TLK1: variants seen among roughly 807,000 people sequenced by gnomAD.
The protein encoded by TLK1 is serine/threonine-protein kinase tousled-like 1.
TLK1 carries 24 observed loss-of-function variants against 105.3 expected under a neutral mutation model. The observed-to-expected ratio is 0.23, with a 90% CI of 0.17 to 0.32. The LOEUF is 0.32. Ranked by LOEUF, TLK1 falls within the 10% of genes least tolerant of loss-of-function variation. The probability of loss-of-function intolerance (pLI) is 1.00; values close to 1 mark genes in which losing one functional copy is unlikely to be tolerated. For missense variants in TLK1, 558 were observed against 910.5 expected, an observed-to-expected ratio of 0.61 and a Z score of 4.98; for synonymous variants, 321 against 310.4, an observed-to-expected ratio of 1.03 and a Z score of -0.36.
intron 1 of TLK1, among the ~76,000 whole-genome samples, chr2:171,124,888 GAAC>G (rs1309415481): frequency 1.3e-5 from 2 of 152,134 alleles, no homozygotes; most frequent in African/African-American, 4.8e-5. Context: ...CTTGAATAAA[GAAC>G]AACTGAATTG....
chr2:171,200,467 T>C (rs1693376925), intron 1 of TLK1, among the ~76,000 whole-genome samples: 1 of 152,238 alleles, frequency 6.6e-6, no homozygotes, highest in Non-Finnish European at 1.5e-5. Context: ...TTTTACAGTC[T>C]TGCCGCAATG....
chr2:171,149,349 A>G (rs912619957), intron 1 of TLK1, among the ~76,000 whole-genome samples: 5 of 152,142 alleles, frequency 3.3e-5, no homozygotes, highest in African/African-American at 1.2e-4. Flanking sequence ...TACTATTACT[A>G]TCCCACCCTA....
At chr2:171,219,235 G>A (rs1175563982) in intron 1 of TLK1, among the ~76,000 whole-genome samples, 3 of 152,204 alleles carry the variant, frequency 2.0e-5, no homozygotes, top group Non-Finnish European at 2.9e-5. Flanking sequence ...CACACCCTCT[G>A]TAGTCTCCAG....
At chr2:171,015,829 T>C (rs948937483) in intron 12 of TLK1, among the ~76,000 whole-genome samples, 5 of 152,072 alleles carry the variant, frequency 3.3e-5, no homozygotes, top group African/African-American at 1.2e-4. Context: ...CCCAGCACTT[T>C]GGACTTTGGG....
At chr2:171,168,474 G>A (rs1394973951) in intron 1 of TLK1, among the ~76,000 whole-genome samples, 1 of 152,202 alleles carries the variant, frequency 6.6e-6, no homozygotes, top group African/African-American at 2.4e-5. Context: ...TCCAGGTGCT[G>A]ATTAGAAGTG....
At chr2:171,031,615 G>A (rs1486958462) in intron 11 of TLK1, among the ~76,000 whole-genome samples, 1 of 152,014 alleles carries the variant, frequency 6.6e-6, no homozygotes, top group African/African-American at 2.4e-5. Context: ...ACATAACAAT[G>A]TATTATTTTT....
chr2:171,076,596 T>G (rs1431488175), intron 3 of TLK1, among the ~76,000 whole-genome samples: 8 of 151,416 alleles, frequency 5.3e-5, no homozygotes, highest in Non-Finnish European at 1.5e-5. Flanking sequence ...TCAAGGCAGG[T>G]TTTAAAACTT....
intron 2 of TLK1, among the ~76,000 whole-genome samples, chr2:171,113,736 C>G (rs1477039149): frequency 6.6e-6 from 1 of 151,832 alleles, no homozygotes; most frequent in Non-Finnish European, 1.5e-5. Context: ...GGATCACTAC[C>G]AATATTATAT....
In TLK1 at chr2:170,990,955, T is replaced by C. The variant is rs1683758523; in HGVS notation, c.*2825A>G. ...ATGAGGTGTTTGTTCACATTTTATA[T>C]GCCATTTAAACTGACAGAGTTGTTT... On this transcript the variant is annotated 3_prime_UTR_variant, in exon 21 of 21. Transcript: ENST00000431350. The C allele has an allele frequency of 6.6e-6, 1 of 151,992 alleles. No homozygotes were observed. The highest frequency in any genetic ancestry group is 2.4e-5 in the African/African-American group (1 of 41,366). 9.4% of individuals were successfully genotyped at this position (151,992 alleles called of 1,614,324 possible).
chr2:171,065,011 CCTG>C (rs1166842591), intron 3 of TLK1, among the ~76,000 whole-genome samples: 1 of 147,686 alleles, frequency 6.8e-6, no homozygotes, highest in African/African-American at 2.4e-5. Flanking sequence ...AATCATGTAG[CCTG>C]CTGCTTTTAT....
intron 2 of TLK1, among the ~76,000 whole-genome samples, chr2:171,104,286 A>T (rs917924482): frequency 6.6e-6 from 1 of 151,912 alleles, no homozygotes; most frequent in Non-Finnish European, 1.5e-5. Context: ...CAAAAAAAAA[A>T]AAAAAATTCC....
At chr2:171,146,505 CAA>C (rs1394911633) in intron 1 of TLK1, among the ~76,000 whole-genome samples, 2 of 151,956 alleles carry the variant, frequency 1.3e-5, no homozygotes. Context: ...GGAAAATATT[CAA>C]ATATATAAAA....
chr2:171,035,528 G>A (rs1470513604), intron 11 of TLK1, among the ~76,000 whole-genome samples: 1 of 152,162 alleles, frequency 6.6e-6, no homozygotes, highest in Non-Finnish European at 1.5e-5. Context: ...TTTATCAGCA[G>A]CGTGAAAGCA....
intron 1 of TLK1, among the ~76,000 whole-genome samples, chr2:171,124,764 A>C (rs1690800601): frequency 1.3e-5 from 2 of 152,148 alleles, no homozygotes; most frequent in Non-Finnish European, 2.9e-5. Context: ...TACAGATTCC[A>C]CTTCAGATTG....
At chr2:171,162,291 G>T (rs1692523414), upstream of TLK1, among the ~76,000 whole-genome samples, 1 of 152,234 alleles carries the variant, frequency 6.6e-6, no homozygotes, top group African/African-American at 2.4e-5. Flanking sequence ...TGTAACCCCA[G>T]CACTTTGGGA....
At chr2:170,997,683 G>A (rs755927029) in intron 19 of TLK1, 29 bp downstream of exon 19, 5 of 1,452,518 alleles carry the variant, frequency 3.4e-6, no homozygotes, top group African/African-American at 1.4e-5. Flanking sequence ...TATCTCTGTA[G>A]AGCTGAAGGC....
Position 171,160,528 on chromosome 2 carries a change from A to G in TLK1, c.-100T>C. On this transcript the variant is annotated 5_prime_UTR_variant, in exon 1 of 21. Coordinates refer to ENST00000431350, the MANE Select transcript of TLK1 (RefSeq NM_012290.5). The surrounding 1 kb of genome is among the most constrained non-coding windows in gnomAD (Gnocchi z 4.4). ...CATGGCGGGGGCCGCGCTGAGGGCGAGCGAGAGAGCGAGGGCTGGGAGGGG... is the reference window on the plus strand; with the variant it reads ...CATGGCGGGGGCCGCGCTGAGGGCGGGCGAGAGAGCGAGGGCTGGGAGGGG... The G allele has an allele frequency of 6.6e-7, 1 of 1,516,486 alleles. No homozygotes were observed. The allele number at this position is 1,516,486 out of a possible 1,614,324, so 93.9% of individuals were successfully genotyped here. A position where few individuals can be genotyped will look rare whatever the true frequency, so the allele number is the denominator to read the frequency against.
At position 170,991,824 on chromosome 2, in the gene TLK1, C is replaced by G. The variant is rs1317211756; in HGVS notation, c.*1956G>C. 6.6e-6 allele frequency: 1 copy of G among 152,130 alleles called. No individual in the cohort carries two copies. The highest frequency in any genetic ancestry group is 1.5e-5 in the Non-Finnish European group (1 of 68,000). 9.4% of individuals were successfully genotyped at this position (152,130 alleles called of 1,614,324 possible). On this transcript the variant is annotated 3_prime_UTR_variant, in exon 21 of 21. Transcript: ENST00000431350. ...TTTATCATTCATAAAGACGAAAACT[C>G]TAACAACAAAACTGAAAACTTGCAG...
chr2:171,046,701 C>A (rs932127319), intron 10 of TLK1, among the ~76,000 whole-genome samples: 17 of 152,140 alleles, frequency 1.1e-4, no homozygotes, highest in African/African-American at 4.1e-4. Flanking sequence ...TCCCTAAGAA[C>A]ACAGATGGTG....
Sources: allele counts gnomAD v4.1 joint callset (sites outside exome capture counted in the v4.1 genomes callset), GRCh38; gene constraint gnomAD v4.1.1; non-coding constraint Gnocchi (gnomAD v3.1); transcripts MANE v1.5; gene names NCBI Gene and HGNC (gene_info 2026-07-23, HGNC 2026-07-21).